GPCPD1: variants seen among roughly 807,000 people sequenced by gnomAD.
GPCPD1 encodes the protein glycerophosphocholine phosphodiesterase GPCPD1.
Under a neutral mutation model 89.2 loss-of-function variants are expected in GPCPD1, and 29 were observed. That is an observed-to-expected ratio of 0.33 (90% confidence interval 0.24 to 0.44). The LOEUF (loss-of-function observed/expected upper bound fraction) is 0.44. Ranked by LOEUF, GPCPD1 falls within the 20% of genes least tolerant of loss-of-function variation. The pLI, the probability that GPCPD1 is intolerant of heterozygous loss-of-function variation, is 1.00. For synonymous variants in GPCPD1, 258 were observed against 266.3 expected, an observed-to-expected ratio of 0.97 and a Z score of 0.30; for missense variants, 594 against 808.9, an observed-to-expected ratio of 0.73 and a Z score of 3.22.
Position 5,598,742 on chromosome 20 carries a change from C to A in GPCPD1, c.129G>T (p.Glu43Asp), listed in dbSNP as rs1979913123. The part of the protein sequence containing the change: ...NPQNAVALLP[E>D]NDTGESMLWK... Reference sequence around the variant, plus strand: ...ATACTCACCTTTCACCTGTGTCATTCTCTGGAAGAAGAGCCACAGCATTTT... The same window carrying A: ...ATACTCACCTTTCACCTGTGTCATTATCTGGAAGAAGAGCCACAGCATTTT... The change falls in exon 3 of 20, where the codon GAG becomes GAT. Residue 43 changes from glutamate to aspartate, a missense_variant. Glu to Asp is a conservative substitution (Grantham distance 45). Transcript: ENST00000379019. 1 of 1,607,194 alleles carries A rather than the reference C, an allele frequency of 6.2e-7. No homozygotes were observed.
intron 10 of GPCPD1, among the ~76,000 whole-genome samples, chr20:5,574,820 A>G (rs1049880501): frequency 6.6e-6 from 1 of 152,198 alleles, no homozygotes. Context: ...AAATTAAAAA[A>G]TCCTAATGAT....
chr20:5,561,600 T>A (rs1354364728), intron 15 of GPCPD1, 70 bp from the exon 16 acceptor site: 5 of 677,352 alleles, frequency 7.4e-6, no homozygotes, highest in Middle Eastern at 3.2e-4. Context: ...ACAAAAAAAA[T>A]ACAATTATTA....
At chr20:5,607,410 T>C (rs549781767) in intron 1 of GPCPD1, among the ~76,000 whole-genome samples, 1 of 151,724 alleles carries the variant, frequency 6.6e-6, no homozygotes, top group East Asian at 1.9e-4. Flanking sequence ...GGCCAACATC[T>C]CTACTAAAAC....
chr20:5,563,923 A>T (rs1156238675), intron 15 of GPCPD1, among the ~76,000 whole-genome samples: 1 of 152,238 alleles, frequency 6.6e-6, no homozygotes, highest in African/African-American at 2.4e-5. Flanking sequence ...TAGCTAATAC[A>T]GTAGATAAAA....
At chr20:5,561,654 T>C (rs571117449) in intron 15 of GPCPD1, 124 bp from the exon 16 acceptor site, 89 of 568,556 alleles carry the variant, frequency 1.6e-4, no homozygotes, top group African/African-American at 1.6e-3. Context: ...TAAAATGTTT[T>C]GTGCATAATG....
intron 3 of GPCPD1, among the ~76,000 whole-genome samples, chr20:5,595,873 C>A (rs1979688101): frequency 6.6e-6 from 1 of 152,098 alleles, no homozygotes; most frequent in Non-Finnish European, 1.5e-5. Flanking sequence ...GTGAAACTAG[C>A]CCCACTAGTG....
intron 15 of GPCPD1, among the ~76,000 whole-genome samples, chr20:5,564,784 T>C (rs1986289261): frequency 6.6e-6 from 1 of 152,082 alleles, no homozygotes; most frequent in African/African-American, 2.4e-5. Flanking sequence ...GAGGCTGCAG[T>C]GAGCCCTGAT....
intron 1 of GPCPD1, among the ~76,000 whole-genome samples, chr20:5,609,943 T>C (rs1378237192): frequency 4.0e-5 from 6 of 149,414 alleles, no homozygotes. Flanking sequence ...CGGGGTAGAG[T>C]AGTGGGTGAG....
At chr20:5,570,328 TA>T in intron 11 of GPCPD1, 89 bp from the exon 12 acceptor site, 2 of 540,512 alleles carry the variant, frequency 3.7e-6, no homozygotes. Context: ...TTGTTCACTA[TA>T]AAATTACAGA....
chr20:5,584,211 A>G, intron 6 of GPCPD1, 70 bp downstream of exon 6: 1 of 783,808 alleles, frequency 1.3e-6, no homozygotes, highest in Non-Finnish European at 2.2e-6. Context: ...GTGCTATATA[A>G]CTCCAGTGAA....
intron 2 of GPCPD1, among the ~76,000 whole-genome samples, chr20:5,600,818 C>T (rs1434388434): frequency 1.4e-5 from 2 of 146,802 alleles, no homozygotes; most frequent in African/African-American, 2.5e-5. Context: ...GGCGACAGAG[C>T]GAGACTCTTA....
chr20:5,551,335 G>A (rs1482397485), intron 19 of GPCPD1, among the ~76,000 whole-genome samples: 2 of 152,312 alleles, frequency 1.3e-5, no homozygotes, highest in Non-Finnish European at 2.9e-5. Context: ...TGTTTCAGGT[G>A]CATACTTGTA....
At chr20:5,557,581 G>A (rs1341722310) in intron 19 of GPCPD1, among the ~76,000 whole-genome samples, 1 of 151,956 alleles carries the variant, frequency 6.6e-6, no homozygotes, top group African/African-American at 2.4e-5. Flanking sequence ...TCTAGGGAAG[G>A]GTCTGAGTTG....
intron 19 of GPCPD1, among the ~76,000 whole-genome samples, chr20:5,552,955 G>A (rs979886340): frequency 6.6e-6 from 1 of 152,112 alleles, no homozygotes; most frequent in East Asian, 1.9e-4. Context: ...GGCAATCTTC[G>A]TCTTACTGCA....
At chr20:5,572,507 C>T (rs1297020991) in intron 11 of GPCPD1, among the ~76,000 whole-genome samples, 2 of 152,038 alleles carry the variant, frequency 1.3e-5, no homozygotes, top group Non-Finnish European at 2.9e-5. Flanking sequence ...TTTAAAAGTA[C>T]ACCTTAGAAT....
rs534226554 is a variant in GPCPD1, at chr20:5,570,083, A to T, written c.1149+64T>A. On this transcript the variant is annotated intron_variant, in intron 12 of 19. Transcript: ENST00000379019. The stretch of plus-strand genomic sequence containing the variant: ...AATAAGTAATTAAAAATATAAAAAA[A>T]CTTCCTAGTTTTTAAACCTTTTACT... 2,012 of 722,166 alleles carry T rather than the reference A, an allele frequency of 2.8e-3. 36 individuals carry two copies. The African/African-American group carries it at 0.032, about 12-fold the overall frequency. The allele number at this position is 722,166 out of a possible 1,614,324, so 44.7% of individuals were successfully genotyped here. A position where few individuals can be genotyped will look rare whatever the true frequency, so the allele number is the denominator to read the frequency against.
chr20:5,575,344 G>T, intron 10 of GPCPD1, 69 bp downstream of exon 10: 2 of 1,094,698 alleles, frequency 1.8e-6, no homozygotes, highest in South Asian at 3.2e-5. Flanking sequence ...CCTTTGCTGA[G>T]AAAACCAGTG....
intron 1 of GPCPD1, among the ~76,000 whole-genome samples, chr20:5,607,825 A>T (rs1049626868): frequency 3.9e-4 from 59 of 151,292 alleles, no homozygotes; most frequent in African/African-American, 1.4e-3. Flanking sequence ...CTCAAATAAA[A>T]AAAAAAAAAA....
chr20:5,593,603 T>C (rs1192409993), intron 3 of GPCPD1, among the ~76,000 whole-genome samples, 192 bp from the exon 4 acceptor site: 2 of 152,210 alleles, frequency 1.3e-5, no homozygotes, highest in African/African-American at 4.8e-5. Context: ...AAGAGCCTTA[T>C]CTTCAAAGAG....
Sources: gnomAD v4.1 joint callset for allele counts (sites outside exome capture counted in the v4.1 genomes callset) on GRCh38, gnomAD v4.1.1 for gene constraint, MANE v1.5 for transcripts, NCBI Gene and HGNC (gene_info 2026-07-23, HGNC 2026-07-21) for gene names.